SULF1: variants seen among roughly 807,000 people sequenced by gnomAD.
SULF1 encodes extracellular sulfatase Sulf-1.
A neutral mutation model predicts 110.5 loss-of-function variants in SULF1; 46 were observed. That is an observed-to-expected ratio of 0.42 (90% CI 0.33 to 0.53). The LOEUF is 0.53. SULF1 is among the 20% of genes least tolerant of loss of function. The probability of loss-of-function intolerance (pLI) is 0.12; values close to 1 mark genes in which losing one functional copy is unlikely to be tolerated. For missense variants in SULF1, 941 were observed against 1,094.2 expected (o/e 0.86, Z 1.98); for synonymous variants, 371 against 387.1 (o/e 0.96, Z 0.49).
chr8:69,582,140 G>C (rs1379582564), intron 6 of SULF1, among the ~76,000 whole-genome samples: 1 of 152,116 alleles, frequency 6.6e-6, no homozygotes, highest in Non-Finnish European at 1.5e-5. Context: ...GGAATGACTT[G>C]GGGAGAGGAA....
intron 13 of SULF1, among the ~76,000 whole-genome samples, chr8:69,605,932 C>T (rs1190627049): frequency 6.6e-6 from 1 of 152,152 alleles, no homozygotes; most frequent in Non-Finnish European, 1.5e-5. Flanking sequence ...TAACTCAGGC[C>T]ACTTGCTGCC....
At chr8:69,646,942 T>A (rs1811958834) in intron 22 of SULF1, among the ~76,000 whole-genome samples, 1 of 127,828 alleles carries the variant, frequency 7.8e-6, no homozygotes, top group Non-Finnish European at 1.6e-5. Context: ...CCTGGAATTT[T>A]TTTTTTTTTT....
rs914918117 is a variant in SULF1 at position 69,583,443 on chromosome 8, G to A, written c.413-2914G>A. On this transcript the variant is annotated intron_variant, in intron 6 of 22. Coordinates refer to ENST00000402687, the MANE Select transcript of SULF1 (RefSeq NM_001128205.2). ...AAAAAAATTAGCCAGGTGTGGTGGC[G>A]TGTGCCTGTAGTCCCAGCTACTTGG... Among the ~76,000 whole-genome samples the A allele has an allele frequency of 4.0e-5, 6 of 151,308 alleles. No homozygotes were observed. The South Asian group carries it at 8.4e-4, about 21-fold the overall frequency.
chr8:69,639,557 C>A (rs537359478), intron 21 of SULF1, among the ~76,000 whole-genome samples: 1 of 152,272 alleles, frequency 6.6e-6, no homozygotes, highest in African/African-American at 2.4e-5. Context: ...ATGATGTCTG[C>A]AGAAATGTAA....
At chr8:69,478,227 C>T (rs1055023010) in intron 1 of SULF1, among the ~76,000 whole-genome samples, 5 of 152,182 alleles carry the variant, frequency 3.3e-5, no homozygotes, top group African/African-American at 9.6e-5. Flanking sequence ...TGCATCACCT[C>T]GTGCATCTGA....
intron 5 of SULF1, 54 bp from the exon 6 acceptor site, chr8:69,575,916 A>G: frequency 6.3e-7 from 1 of 1,588,084 alleles, no homozygotes; most frequent in Non-Finnish European, 8.6e-7. Context: ...CACAATCGAA[A>G]TAGGCATTCA....
chr8:69,546,155 A>G (rs1222991418), intron 3 of SULF1, among the ~76,000 whole-genome samples: 1 of 152,234 alleles, frequency 6.6e-6, no homozygotes, highest in Admixed American at 6.5e-5. Flanking sequence ...AATAAAGAAG[A>G]CAATGAATGA....
At chr8:69,643,151 T>C (rs1811617906) in intron 22 of SULF1, among the ~76,000 whole-genome samples, 1 of 152,246 alleles carries the variant, frequency 6.6e-6, no homozygotes. Context: ...GCAGGAAATC[T>C]TGACATTGGT....
chr8:69,490,190 C>T (rs1419621049), upstream of SULF1, among the ~76,000 whole-genome samples: 1 of 151,012 alleles, frequency 6.6e-6, no homozygotes, highest in Non-Finnish European at 1.5e-5. Context: ...GCAACCTCTG[C>T]CTCCTGGGCT....
chr8:69,655,936 T>C (rs1385738957), intron 22 of SULF1, among the ~76,000 whole-genome samples: 1 of 152,236 alleles, frequency 6.6e-6, no homozygotes, highest in African/African-American at 2.4e-5. Context: ...GATAAATCTA[T>C]TAAATGTGCA....
At chr8:69,517,057 A>C (rs951724445) in intron 3 of SULF1, among the ~76,000 whole-genome samples, 2 of 152,114 alleles carry the variant, frequency 1.3e-5, no homozygotes, top group African/African-American at 4.8e-5. Flanking sequence ...ATAAAGAAAA[A>C]GGGTTTACTT....
chr8:69,648,657 G>A (rs903965282), intron 22 of SULF1, among the ~76,000 whole-genome samples: 5 of 152,218 alleles, frequency 3.3e-5, no homozygotes, highest in African/African-American at 1.2e-4. Context: ...GTACAGAGGT[G>A]ATGTGCCAAA....
intron 8 of SULF1, chr8:69,597,052 A>G (rs1253615046): frequency 6.6e-6 from 1 of 152,218 alleles, no homozygotes; most frequent in Non-Finnish European, 1.5e-5. Context: ...ATAACTCAAT[A>G]TGTGGTTTTC....
intron 1 of SULF1, among the ~76,000 whole-genome samples, chr8:69,473,032 G>A (rs1469514571): frequency 6.6e-6 from 1 of 151,824 alleles, no homozygotes; most frequent in East Asian, 1.9e-4. Flanking sequence ...TAGAGACTGG[G>A]TCTCACTATG....
chr8:69,577,009 T>C (rs751612309), intron 6 of SULF1, among the ~76,000 whole-genome samples: 2 of 152,258 alleles, frequency 1.3e-5, no homozygotes, highest in Non-Finnish European at 2.9e-5. Flanking sequence ...TCTTTCCCAC[T>C]GGACTCAGGA....
At chr8:69,517,473 A>G (rs1219496010) in intron 3 of SULF1, among the ~76,000 whole-genome samples, 1 of 152,190 alleles carries the variant, frequency 6.6e-6, no homozygotes, top group East Asian at 1.9e-4. Flanking sequence ...AATTCTAATA[A>G]GACATAAATT....
intron 3 of SULF1, among the ~76,000 whole-genome samples, chr8:69,517,680 T>C (rs374531016): frequency 6.6e-6 from 1 of 152,174 alleles, no homozygotes; most frequent in African/African-American, 2.4e-5. Context: ...GGTGAGTTAA[T>C]TTTAAGATAT....
At chr8:69,475,268 A>G (rs1809253499) in intron 1 of SULF1, among the ~76,000 whole-genome samples, 1 of 152,106 alleles carries the variant, frequency 6.6e-6, no homozygotes. Flanking sequence ...TTGATAGCTA[A>G]ACAGATGCCT....
At chr8:69,511,367 G>A (rs765051071) in intron 3 of SULF1, among the ~76,000 whole-genome samples, 8 of 151,848 alleles carry the variant, frequency 5.3e-5, no homozygotes, top group Admixed American at 2.6e-4. Context: ...TAATAATCAC[G>A]AAAATCCGAT....
Sources: allele counts gnomAD v4.1 joint callset (sites outside exome capture counted in the v4.1 genomes callset), GRCh38; gene constraint gnomAD v4.1.1; transcripts MANE v1.5; gene names NCBI Gene and HGNC (gene_info 2026-07-23, HGNC 2026-07-21).